Variants in USP34 observed in about 807,000 individuals in gnomAD.
The protein encoded by USP34 is ubiquitin specific peptidase 34, also known as ubiquitin carboxyl-terminal hydrolase 34.
A neutral mutation model predicts 460.3 loss-of-function variants in USP34; 70 were observed. The ratio of observed to expected loss-of-function variants is 0.15; its 90% CI spans 0.13 to 0.19. The LOEUF is 0.19. Ranked by LOEUF, USP34 falls within the 10% of genes least tolerant of loss-of-function variation. The pLI is 1.00. For missense variants in USP34, 3,985 were observed against 4,236.2 expected (o/e 0.94, Z 1.65); for synonymous variants, 1,647 against 1,405.3 (o/e 1.17, Z -3.85).
chr2:61,267,629 T>G (rs188815755), intron 41 of USP34, among the ~76,000 whole-genome samples: 8 of 151,886 alleles, frequency 5.3e-5, no homozygotes, highest in Admixed American at 1.3e-4. Context: ...GTTTTGTTTG[T>G]TTGAGACAGA....
intron 49 of USP34, among the ~76,000 whole-genome samples, chr2:61,248,055 T>C (rs1688467049): frequency 6.6e-6 from 1 of 151,802 alleles, no homozygotes. Context: ...GGCCTGGTGG[T>C]GCGTGCCTAT....
rs751908221 is a variant in USP34, at chr2:61,190,597, A to G, written c.9650T>C (p.Ile3217Thr). Residue 3217 changes from isoleucine (I) to threonine (T), a missense_variant, in exon 77 of 80, where the codon ATT becomes ACT. Physicochemically the swap from Ile to Thr is moderately conservative, Grantham distance 89. Around this residue, in one of 14 missense-constraint regions of USP34, gnomAD observed 506 missense variants for 439.0 expected, o/e 1.15. Transcript: ENST00000398571. The stretch of plus-strand genomic sequence containing the variant: ...TCTTTCATCCATTAGGATACATTTA[A>G]TATATTCTGCGAAAACAGGATCTTC... ...LCEDPVFAEY[I>T]KCILMDERTF... 1.2e-6 allele frequency: 2 copies of G among 1,614,120 alleles called. No homozygotes were observed. The highest frequency in any genetic ancestry group is 4.5e-5 in the East Asian group (2 of 44,870).
intron 1 of USP34, among the ~76,000 whole-genome samples, chr2:61,450,257 G>A (rs574870382): frequency 1.3e-5 from 2 of 152,270 alleles, no homozygotes; most frequent in Admixed American, 1.3e-4. Context: ...AATGCATATT[G>A]GTTGTTGCTT....
chr2:61,241,691 G>A (rs1402364010), intron 52 of USP34, 36 bp from the exon 53 acceptor site: 4 of 1,538,132 alleles, frequency 2.6e-6, no homozygotes, highest in Admixed American at 2.1e-5. Flanking sequence ...TTTTCATTTT[G>A]ACAAAGTATT....
intron 41 of USP34, among the ~76,000 whole-genome samples, chr2:61,272,410 CAAA>C (rs768984469): frequency 6.1e-5 from 5 of 82,618 alleles, no homozygotes; most frequent in Admixed American, 1.3e-4. Flanking sequence ...GACCCCATCT[CAAA>C]AAAAAAAAAA....
intron 34 of USP34, among the ~76,000 whole-genome samples, chr2:61,288,341 T>C (rs1572902661): frequency 6.6e-6 from 1 of 152,214 alleles, no homozygotes; most frequent in Non-Finnish European, 1.5e-5. Flanking sequence ...AACACATACG[T>C]GTAAAACTGA....
intron 15 of USP34, among the ~76,000 whole-genome samples, chr2:61,344,809 G>A (rs1691714668): frequency 6.6e-6 from 1 of 152,136 alleles, no homozygotes; most frequent in African/African-American, 2.4e-5. Flanking sequence ...TCCCAATCAG[G>A]GGTGAATTTA....
chr2:61,283,601 G>C, intron 35 of USP34, 152 bp from the exon 36 acceptor site: 5 of 696,952 alleles, frequency 7.2e-6, no homozygotes, highest in East Asian at 5.8e-5. Flanking sequence ...GAGAGTGAGA[G>C]AGAGTGTGAG....
chr2:61,203,796 CATT>C (rs1179207248), intron 74 of USP34, among the ~76,000 whole-genome samples: 2 of 151,798 alleles, frequency 1.3e-5, no homozygotes, highest in Non-Finnish European at 2.9e-5. Flanking sequence ...TTAGAATTGG[CATT>C]ATTTTAGAAT....
chr2:61,296,085 C>G (rs190344765), intron 30 of USP34, among the ~76,000 whole-genome samples: 1 of 152,052 alleles, frequency 6.6e-6, no homozygotes, highest in Non-Finnish European at 1.5e-5. Flanking sequence ...ACGGTGAAAC[C>G]CTGTCTCTAC....
intron 33 of USP34, among the ~76,000 whole-genome samples, chr2:61,291,954 G>C (rs1689866759): frequency 2.6e-5 from 4 of 152,100 alleles, no homozygotes; most frequent in African/African-American, 9.7e-5. Flanking sequence ...AAAGAAACCA[G>C]TCACGATGGA....
intron 3 of USP34, among the ~76,000 whole-genome samples, chr2:61,397,190 C>G (rs893040894): frequency 2.0e-5 from 3 of 152,102 alleles, no homozygotes; most frequent in Non-Finnish European, 4.4e-5. Context: ...CATATGTAAT[C>G]CCAGCACTTT....
At chr2:61,267,330 T>C (rs1405734546) in intron 41 of USP34, among the ~76,000 whole-genome samples, 2 of 152,142 alleles carry the variant, frequency 1.3e-5, no homozygotes, top group East Asian at 3.8e-4. Context: ...ATTTTTGAAA[T>C]GTTTTTCCAT....
intron 2 of USP34, among the ~76,000 whole-genome samples, chr2:61,406,332 G>C (rs532690660): frequency 2.0e-4 from 30 of 152,076 alleles, no homozygotes; most frequent in African/African-American, 6.7e-4. Flanking sequence ...ATCATGTTAG[G>C]TTTACAGCTA....
chr2:61,332,247 G>C (rs1355546736), intron 19 of USP34, among the ~76,000 whole-genome samples: 1 of 151,994 alleles, frequency 6.6e-6, no homozygotes, highest in Non-Finnish European at 1.5e-5. Context: ...GAGTTTAAGA[G>C]ATAATATGTA....
intron 41 of USP34, among the ~76,000 whole-genome samples, chr2:61,271,797 T>C (rs1044448451): frequency 6.6e-6 from 1 of 152,200 alleles, no homozygotes; most frequent in Non-Finnish European, 1.5e-5. Flanking sequence ...TTATCATGTT[T>C]CTTTATAGAA....
At chr2:61,232,377 T>A (rs766306205) in intron 58 of USP34, 75 bp downstream of exon 58, 18 of 1,229,196 alleles carry the variant, frequency 1.5e-5, no homozygotes, top group Non-Finnish European at 2.1e-5. Flanking sequence ...GACACACTTA[T>A]AAGCAAATTG....
chr2:61,242,133 C>T (rs1191992015), intron 51 of USP34, among the ~76,000 whole-genome samples: 1 of 151,942 alleles, frequency 6.6e-6, no homozygotes. Context: ...TGGCCTTGTC[C>T]TAATTTTGGT....
chr2:61,358,305 T>C (rs1208213227), intron 10 of USP34, among the ~76,000 whole-genome samples: 1 of 151,806 alleles, frequency 6.6e-6, no homozygotes, highest in Non-Finnish European at 1.5e-5. Context: ...AGCTAGACTA[T>C]GGGGAAAAAA....
Sources: allele counts gnomAD v4.1 joint callset (sites outside exome capture counted in the v4.1 genomes callset), GRCh38; gene constraint gnomAD v4.1.1; regional missense constraint gnomAD v4.1.1; transcripts MANE v1.5; gene names NCBI Gene and HGNC (gene_info 2026-07-23, HGNC 2026-07-21).